The following MAST3 variants were observed in gnomAD, a reference collection of about 807,000 sequenced individuals.
MAST3 encodes microtubule associated serine/threonine kinase 3, also known as microtubule-associated serine/threonine-protein kinase 3.
MAST3 carries 43 observed loss-of-function variants against 127.0 expected under a neutral mutation model. The observed-to-expected ratio is 0.34, with a 90% CI of 0.27 to 0.44. The LOEUF is 0.44. Among genes scored for constraint, MAST3 ranks in the 20% least tolerant of loss-of-function variants. MAST3 has a pLI of 1.00. For synonymous variants in MAST3, 785 were observed against 809.2 expected, an observed-to-expected ratio of 0.97 and a Z score of 0.51; for missense variants, 1,390 against 1,919.1, an observed-to-expected ratio of 0.72 and a Z score of 5.15.
chr19:18,150,068 C>T lies in MAST3; in HGVS notation c.*342C>T. The stretch of plus-strand genomic sequence containing the variant: ...GCGGCGTGATCTCAGCTCACTGCAA[C>T]CTCCGCCTCCCAAGTTCAAGCGATT... On this transcript the variant is annotated 3_prime_UTR_variant, in exon 28 of 28. Transcript: ENST00000687212. 4.1e-6 allele frequency: 1 copy of T among 245,138 alleles called. No individual in the cohort carries two copies. The allele number at this position is 245,138 out of a possible 1,614,324, so 15.2% of individuals were successfully genotyped here.
At chr19:18,126,355 G>A (rs760476229) in intron 11 of MAST3, among the ~76,000 whole-genome samples, 8 of 152,172 alleles carry the variant, frequency 5.3e-5, no homozygotes, top group Non-Finnish European at 2.9e-5. Flanking sequence ...TTCAAACTGA[G>A]GCCTGGAGGG....
intron 20 of MAST3, 72 bp from the exon 21 acceptor site, chr19:18,141,810 C>A (rs2042522933): frequency 8.2e-7 from 1 of 1,224,452 alleles, no homozygotes; most frequent in Non-Finnish European, 1.1e-6. Context: ...CCCAGCTGGG[C>A]CTCTGAAAGT....
At position 18,144,412 on chromosome 19, in the gene MAST3, T is replaced by C; in HGVS notation, c.2585-54T>C. 4 of 1,440,918 alleles carry C rather than the reference T, an allele frequency of 2.8e-6. No homozygotes were observed. Among genetic ancestry groups the C allele is most frequent in the Non-Finnish European group, 3.8e-6 (4 of 1,056,338 alleles). The allele number at this position is 1,440,918 out of a possible 1,614,324, so 89.3% of individuals were successfully genotyped here. On this transcript the variant is annotated intron_variant, in intron 22 of 27. Transcript: ENST00000687212. This position sits in a 1 kb window ranked among gnomAD's most constrained non-coding sequence, Gnocchi z 4.0. ...GGGAGGAAGGGCCTTAAGGTCCCTT[T>C]AGGACCACATGGTGAGTTTGAGGGG...
At chr19:18,115,628 C>A (rs1286937217) in intron 3 of MAST3, among the ~76,000 whole-genome samples, 2 of 152,088 alleles carry the variant, frequency 1.3e-5, no homozygotes, top group African/African-American at 4.8e-5. Flanking sequence ...CTCCCCTGGT[C>A]TCAAAACAAG....
intron 2 of MAST3, chr19:18,109,920 GGGCGGGGAGA>G (rs2038389526): frequency 1.0e-6 from 1 of 984,262 alleles, no homozygotes; most frequent in African/African-American, 1.7e-5. Context: ...GGCCGGGCCG[GGGCGGGGAGA>G]GGCGGGGTCA....
rs1167669095 is a variant in MAST3, at chr19:18,124,782, G to A, written c.1078+8G>A. On this transcript the variant is annotated splice_region_variant and intron_variant, in intron 11 of 27. Coordinates refer to ENST00000687212, the MANE Select transcript of MAST3 (RefSeq NM_001393504.1). ...CCAAGGACCCCCTGGAGGGTAAGCC[G>A]GGATGGGAAGAGGAAACCAAGGCTG... 4.4e-6 allele frequency: 7 copies of A among 1,580,398 alleles called. No individual in the cohort carries two copies. The highest frequency in any genetic ancestry group is 5.2e-6 in the Non-Finnish European group (6 of 1,162,944).
At chr19:18,147,099 CTTTTTTTTTTTTTTT>C in intron 26 of MAST3, 55 bp downstream of exon 26, 1 of 892,306 alleles carries the variant, frequency 1.1e-6, no homozygotes. Flanking sequence ...TTTCTTTTTC[CTTTTTTTTTTTTTTT>C]TTTTTTTGAG....
intron 18 of MAST3, among the ~76,000 whole-genome samples, chr19:18,136,101 C>A (rs1322221044): frequency 6.6e-6 from 1 of 152,206 alleles, no homozygotes; most frequent in Non-Finnish European, 1.5e-5. Flanking sequence ...GTAAAGTCAC[C>A]AGGACCTGTG....
chr19:18,139,822 T>TC (rs1320174192), intron 20 of MAST3, among the ~76,000 whole-genome samples: 10 of 144,574 alleles, frequency 6.9e-5, no homozygotes, highest in African/African-American at 1.8e-4. Flanking sequence ...TTTTTTTTTT[T>TC]TCTTTTTTTT....
intron 3 of MAST3, among the ~76,000 whole-genome samples, chr19:18,118,607 A>C (rs992717948): frequency 6.6e-6 from 1 of 152,196 alleles, no homozygotes; most frequent in African/African-American, 2.4e-5. Context: ...GGGTCCATTC[A>C]GCAGAAATGT....
At position 18,134,801 on chromosome 19, in the gene MAST3, G is replaced by A. The variant is rs200510110; in HGVS notation, c.1705-16G>A. On this transcript the variant is annotated splice_polypyrimidine_tract_variant and intron_variant, in intron 16 of 27. Coordinates refer to ENST00000687212, the MANE Select transcript of MAST3 (RefSeq NM_001393504.1). ...GCTGGGGGCTGGCCTCAGTTTCCCC[G>A]TTCTCCCTGGCCCAGGTGTGTGGGA... 4.4e-4 allele frequency: 705 copies of A among 1,613,894 alleles called. No individual in the cohort carries two copies. The highest frequency in any genetic ancestry group is 2.5e-3 in the East Asian group (113 of 44,864).
intron 3 of MAST3, chr19:18,118,062 C>T: frequency 1.0e-6 from 1 of 980,516 alleles, no homozygotes; most frequent in South Asian, 4.7e-5. Flanking sequence ...CAGCCCCGTG[C>T]GCCCCCCTCC....
intron 1 of MAST3, among the ~76,000 whole-genome samples, chr19:18,098,276 G>A (rs1203963472): frequency 2.0e-5 from 3 of 152,170 alleles, no homozygotes; most frequent in Admixed American, 6.5e-5. Context: ...GACGACCTGG[G>A]GAGGTTGGGG....
chr19:18,134,858 C>T lies in MAST3; in HGVS notation c.1746C>T (p.Phe582=), dbSNP rs745981043. Residue 582 remains phenylalanine, a synonymous_variant, in exon 17 of 28, where the codon TTC becomes TTT. Coordinates refer to ENST00000687212, the MANE Select transcript of MAST3 (RefSeq NM_001393504.1). ...TPEYIAPEVI[F]RQGYGKPVDW... is the part of the protein sequence containing the mutation. Reference sequence around the variant, plus strand: ...AGTACATAGCCCCCGAGGTGATCTTCCGCCAGGGCTATGGGAAGCCAGTGG... The same window carrying T: ...AGTACATAGCCCCCGAGGTGATCTTTCGCCAGGGCTATGGGAAGCCAGTGG... 1.2e-6 allele frequency: 2 copies of T among 1,614,042 alleles called. No homozygotes were observed. Among genetic ancestry groups the T allele is most frequent in the East Asian group, 2.2e-5 (1 of 44,884 alleles).
chr19:18,128,740 T>C, intron 12 of MAST3, 126 bp from the exon 13 acceptor site: 1 of 742,534 alleles, frequency 1.3e-6, no homozygotes, highest in East Asian at 2.6e-5. Context: ...AGAAGCTGAG[T>C]TGGAGAAGTT....
chr19:18,137,843 A>G (rs959808365), intron 19 of MAST3, among the ~76,000 whole-genome samples: 1 of 152,172 alleles, frequency 6.6e-6, no homozygotes. Context: ...AACTTGCTTC[A>G]TGTCAGAGGT....
In MAST3 at chr19:18,124,695, G is replaced by C; in HGVS notation, c.999G>C (p.Ala333=). 6.2e-7 allele frequency: 1 copy of C among 1,611,972 alleles called. No homozygotes were observed. Among genetic ancestry groups the C allele is most frequent in the Non-Finnish European group, 8.5e-7 (1 of 1,179,236 alleles). The change falls in exon 11 of 28, where the codon GCG becomes GCC. Residue 333 remains alanine (A), a synonymous_variant. Transcript: ENST00000687212. ...YHLLEAAEGH[A]REGQGIKTDL... ...TGCTGGAGGCGGCTGAGGGCCATGC[G>C]CGGGAGGGCCAAGGCATTAAGACTG...
intron 6 of MAST3, 67 bp downstream of exon 6, chr19:18,122,818 GTGTT>G: frequency 1.3e-6 from 2 of 1,501,838 alleles, no homozygotes; most frequent in Non-Finnish European, 1.8e-6. Context: ...ACATCTTTGT[GTGTT>G]TTTTTCAAGG....
At chr19:18,098,599 C>T (rs990737192) in intron 1 of MAST3, among the ~76,000 whole-genome samples, 67 of 152,128 alleles carry the variant, frequency 4.4e-4, no homozygotes, top group African/African-American at 1.4e-3. Flanking sequence ...TACATGACCC[C>T]GGGCAGCCAC....
Sources: gnomAD v4.1 joint callset for allele counts (sites outside exome capture counted in the v4.1 genomes callset) on GRCh38, gnomAD v4.1.1 for gene constraint, Gnocchi (gnomAD v3.1) non-coding constraint, MANE v1.5 for transcripts, NCBI Gene and HGNC (gene_info 2026-07-23, HGNC 2026-07-21) for gene names.